ABCC10: variants seen among roughly 807,000 people sequenced by gnomAD.
ABCC10 encodes the protein ATP binding cassette subfamily C member 10.
Under a neutral mutation model 143.2 loss-of-function variants are expected in ABCC10, and 110 were observed. The observed-to-expected ratio is 0.77, with a 90% CI of 0.66 to 0.90. The LOEUF (loss-of-function observed/expected upper bound fraction) is 0.90. ABCC10 is among the 40% of genes least tolerant of loss of function. The pLI is 0.00. For synonymous variants in ABCC10, 805 were observed against 846.7 expected, an observed-to-expected ratio of 0.95 and a Z score of 0.85; for missense variants, 1,700 against 1,900.5, an observed-to-expected ratio of 0.89 and a Z score of 1.96.
rs555385606 is a variant in ABCC10 at position 43,446,580 on chromosome 6, C to A, written c.3544+134C>A. ...CCCTGTGAGGATGTATCATGATTAT[C>A]ATCATCACCCCCGTTTGGAGTTGAG... On this transcript the variant is annotated intron_variant, in intron 16 of 21. Transcript: ENST00000372530. The A allele has an allele frequency of 4.7e-5, 68 of 1,431,688 alleles. No individual in the cohort carries two copies. In the African/African-American group the frequency reaches 9.2e-4, roughly 19 times the overall value. The allele number at this position is 1,431,688 out of a possible 1,614,324, so 88.7% of individuals were successfully genotyped here. A position where few individuals can be genotyped will look rare whatever the true frequency, so the allele number is the denominator to read the frequency against.
intron 9 of ABCC10, among the ~76,000 whole-genome samples, chr6:43,442,730 CAAA>C (rs113079901): frequency 7.3e-6 from 1 of 137,558 alleles, no homozygotes; most frequent in Non-Finnish European, 1.6e-5. Flanking sequence ...GACCATGTCT[CAAA>C]AAAAAAAAAA....
intron 8 of ABCC10, among the ~76,000 whole-genome samples, chr6:43,439,792 C>A (rs1329825495): frequency 8.5e-5 from 13 of 152,084 alleles, no homozygotes; most frequent in Admixed American, 1.3e-4. Flanking sequence ...CCATGTTGGC[C>A]AGAATGGTCT....
At chr6:43,444,480 T>A in intron 12 of ABCC10, 127 bp downstream of exon 12, 4 of 1,239,384 alleles carry the variant, frequency 3.2e-6, no homozygotes, top group Non-Finnish European at 4.4e-6. Flanking sequence ...ACAAAAGCCA[T>A]ACTCCTAATT....
chr6:43,433,810 G>C (rs903695392), intron 3 of ABCC10, among the ~76,000 whole-genome samples: 2 of 152,184 alleles, frequency 1.3e-5, no homozygotes, highest in African/African-American at 4.8e-5. Flanking sequence ...TAGAGACCTA[G>C]GAGAACCTCA....
chr6:43,442,115 C>G, intron 9 of ABCC10, 155 bp downstream of exon 9: 1 of 604,686 alleles, frequency 1.7e-6, no homozygotes. Flanking sequence ...ATCTCATCCC[C>G]TTTTGCAGAT....
rs1781246092 is a variant in ABCC10, at chr6:43,432,513, A to C, written c.533A>C (p.Gln178Pro). 1 of 1,612,234 alleles carries C rather than the reference A, an allele frequency of 6.2e-7. No homozygotes were observed. Among genetic ancestry groups the C allele is most frequent in the Non-Finnish European group, 8.5e-7 (1 of 1,180,028 alleles). Residue 178 changes from glutamine (Q) to proline (P), a missense_variant, in exon 3 of 22, where the codon CAG (glutamine) becomes CCG (proline). Coordinates refer to ENST00000372530, the MANE Select transcript of ABCC10 (RefSeq NM_001198934.2). The part of the protein sequence containing the change: ...PMARLCLLIL[Q>P]LAALLAYALG... Reference sequence around the variant, plus strand: ...GCCCGCCTATGCTTGCTCATCCTGCAGCTGGCTGCACTCTTGGCCTATGCA... The same window carrying C: ...GCCCGCCTATGCTTGCTCATCCTGCCGCTGGCTGCACTCTTGGCCTATGCA...
In ABCC10 at chr6:43,432,406, G is replaced by A; in HGVS notation, c.426G>A (p.Leu142=). 3 of 1,612,032 alleles carry A rather than the reference G, an allele frequency of 1.9e-6. No individual in the cohort carries two copies. Among genetic ancestry groups the A allele is most frequent in the Non-Finnish European group, 2.5e-6 (3 of 1,180,026 alleles). The part of the protein sequence containing the change: ...GPLALALVAL[L]PAPALVLTVL... ...TGGCCTTGGCCCTGGTAGCCTTGCT[G>A]CCAGCTCCAGCCCTAGTGCTGACCG... Residue 142 remains leucine (L), a synonymous_variant, in exon 3 of 22, where the codon CTG becomes CTA. Transcript: ENST00000372530.
chr6:43,443,865 C>A lies in ABCC10; in HGVS notation c.2417-68C>A. On this transcript the variant is annotated intron_variant, in intron 10 of 21. Coordinates refer to ENST00000372530, the MANE Select transcript of ABCC10 (RefSeq NM_001198934.2). The surrounding 1 kb of genome is among the most constrained non-coding windows in gnomAD (Gnocchi z 4.2). ...GAGAGGATGAGAGGTGGGATCTGCA[C>A]ACGCACTGAGAAAGGCATAGTATAG... 1 of 1,467,024 alleles carries A rather than the reference C, an allele frequency of 6.8e-7. No individual in the cohort carries two copies. The allele number at this position is 1,467,024 out of a possible 1,614,324, so 90.9% of individuals were successfully genotyped here. A position where few individuals can be genotyped will look rare whatever the true frequency, so the allele number is the denominator to read the frequency against.
intron 20 of ABCC10, 76 bp from the exon 21 acceptor site, chr6:43,449,346 T>G (rs1783497083): frequency 2.7e-6 from 4 of 1,501,514 alleles, no homozygotes; most frequent in Admixed American, 1.8e-5. Context: ...TGGTAGGGGC[T>G]GTTGCTTGGG....
Position 43,437,899 on chromosome 6 carries a change from T to G in ABCC10, c.1876-35T>G, listed in dbSNP as rs199823680. On this transcript the variant is annotated intron_variant, in intron 6 of 21. Transcript: ENST00000372530. ...CCACTGCCACCTCTGTCCTGTCTCC[T>G]ACCAATAGCAGATGCTTGTGTGGCT... 6 of 1,601,656 alleles carry G rather than the reference T, an allele frequency of 3.7e-6. No homozygotes were observed. The East Asian group carries it at 1.3e-4, about 36-fold the overall frequency.
chr6:43,431,399 C>T (rs1246214592), intron 2 of ABCC10, among the ~76,000 whole-genome samples: 4 of 152,194 alleles, frequency 2.6e-5, no homozygotes, highest in Non-Finnish European at 4.4e-5. Flanking sequence ...CTTCCCCTGT[C>T]ACCCAGGCTG....
rs201484865 is a variant in ABCC10 at position 43,432,844 on chromosome 6, T to C, written c.864T>C (p.Leu288=). 1 of 1,614,138 alleles carries C rather than the reference T, an allele frequency of 6.2e-7. No individual in the cohort carries two copies. The highest frequency in any genetic ancestry group is 2.2e-5 in the East Asian group (1 of 44,890). Residue 288 remains leucine (L), a synonymous_variant, in exon 3 of 22, where the codon CTT becomes CTC. Transcript: ENST00000372530. ...YGAFGRCYLA[L]GLLKLVGTML... is the part of the protein sequence containing the mutation. ...CCTTTGGACGGTGCTATCTGGCACT[T>C]GGACTGCTGAAGCTGGTGGGGACCA...
intron 16 of ABCC10, 76 bp from the exon 17 acceptor site, chr6:43,447,172 G>T: frequency 6.6e-7 from 1 of 1,523,460 alleles, no homozygotes. Flanking sequence ...AATGCCAGCA[G>T]TCCACAGCCT....
chr6:43,450,322 C>T lies in ABCC10; in HGVS notation c.*231C>T, dbSNP rs1330205957. On this transcript the variant is annotated 3_prime_UTR_variant, in exon 22 of 22. Coordinates refer to ENST00000372530, the MANE Select transcript of ABCC10 (RefSeq NM_001198934.2). This position sits in a 1 kb window ranked among gnomAD's most constrained non-coding sequence, Gnocchi z 4.5. ...TCTGGCCCTCTTGCATCTGGAACGC[C>T]AGGTGGGTTTTTCTGGCATAGGAGC... 1.2e-6 allele frequency: 1 copy of T among 844,662 alleles called. No homozygotes were observed. Among genetic ancestry groups the T allele is most frequent in the Non-Finnish European group, 1.7e-6 (1 of 578,490 alleles). The allele number at this position is 844,662 out of a possible 1,614,324, so 52.3% of individuals were successfully genotyped here.
Position 43,445,192 on chromosome 6 carries a change from G to A in ABCC10, c.2908G>A (p.Val970Met), listed in dbSNP as rs775833675. Residue 970 changes from valine (V) to methionine (M), a missense_variant, in exon 14 of 22, where the codon GTG becomes ATG. Coordinates refer to ENST00000372530, the MANE Select transcript of ABCC10 (RefSeq NM_001198934.2). ...GSSDIRFYLT[V>M]YATIAGVNSL... ...CTCAGACATCCGTTTCTACCTCACC[G>A]TGTATGCGACCATTGCTGGTGTAAA... 6.8e-5 allele frequency: 110 copies of A among 1,613,944 alleles called. No individual in the cohort carries two copies. Among genetic ancestry groups the A allele is most frequent in the Admixed American group, 4.2e-4 (25 of 59,998 alleles).
At chr6:43,450,444 G>A, downstream of ABCC10, 2 of 1,384,566 alleles carry the variant, frequency 1.4e-6, no homozygotes, top group Non-Finnish European at 1.9e-6. This position sits in a 1 kb window ranked among gnomAD's most constrained non-coding sequence, Gnocchi z 4.5. Context: ...GGTCTCCTCT[G>A]TGTGTGTACC....
chr6:43,430,219 T>C (rs1780981104), intron 2 of ABCC10, among the ~76,000 whole-genome samples: 1 of 151,588 alleles, frequency 6.6e-6, no homozygotes, highest in South Asian at 2.1e-4. Flanking sequence ...GCCTCCAGAG[T>C]AGCTGAGACT....
At position 43,440,876 on chromosome 6, in the gene ABCC10, AT is replaced by A. The variant is rs67664257; in HGVS notation, c.2128-985del. ...GAGACTCCGTCTCAAAAAAAAAAAA[AT>A]ACCAGACCACCCAGGGCAATATGGT... On this transcript the variant is annotated intron_variant, in intron 8 of 21. Transcript: ENST00000372530. Among the ~76,000 whole-genome samples the A allele has an allele frequency of 1.4e-3, 210 of 147,508 alleles. 5 individuals are homozygous for A. The highest frequency in any genetic ancestry group is 4.6e-3 in the African/African-American group (184 of 40,186).
chr6:43,451,661 C>T (rs1783748610), downstream of ABCC10, among the ~76,000 whole-genome samples: 1 of 152,132 alleles, frequency 6.6e-6, no homozygotes, highest in Admixed American at 6.5e-5. This position sits in a 1 kb window ranked among gnomAD's most constrained non-coding sequence, Gnocchi z 4.4. Context: ...GACCCAGGCC[C>T]TTCAGTCTCC....
Sources: gnomAD v4.1 joint callset for allele counts (sites outside exome capture counted in the v4.1 genomes callset) on GRCh38, gnomAD v4.1.1 for gene constraint, Gnocchi (gnomAD v3.1) non-coding constraint, MANE v1.5 for transcripts, NCBI Gene and HGNC (gene_info 2026-07-23, HGNC 2026-07-21) for gene names.